EIF5B: variants seen among roughly 807,000 people sequenced by gnomAD.
EIF5B encodes the protein eIF-5B.
A neutral mutation model predicts 147.5 loss-of-function variants in EIF5B; 47 were observed. The observed-to-expected ratio is 0.32, with a 90% CI of 0.25 to 0.41. EIF5B has a LOEUF of 0.41. Ranked by LOEUF, EIF5B falls within the 10% of genes least tolerant of loss-of-function variation. EIF5B has a pLI of 1.00. For missense variants in EIF5B, 1,064 were observed against 1,413.2 expected (o/e 0.75, Z 3.96); for synonymous variants, 455 against 456.2 (o/e 1.00, Z 0.03).
At chr2:99,392,897 C>G in intron 17 of EIF5B, 70 bp from the exon 18 acceptor site, 2 of 1,290,406 alleles carry the variant, frequency 1.5e-6, no homozygotes, top group Non-Finnish European at 2.0e-6. Context: ...TGATGAGATT[C>G]TCTTATATCA....
rs1454480707 is a variant in EIF5B, at chr2:99,390,561, G to A, written c.2604G>A (p.Gly868=). 7 of 1,607,700 alleles carry A rather than the reference G, an allele frequency of 4.4e-6. No individual in the cohort carries two copies. The highest frequency in any genetic ancestry group is 4.3e-6 in the Non-Finnish European group (5 of 1,174,804). The part of the protein sequence containing the change: ...AQVMEVKALP[G]MGTTIDVILI... ...CCTTTTAGGTTAAAGCTCTCCCGGG[G>A]ATGGGCACCACTATAGATGTCATCT... The change falls in exon 17 of 24, where the codon GGG becomes GGA. Residue 868 remains glycine (G), a synonymous_variant. Transcript: ENST00000289371.
At chr2:99,346,680 C>T (rs1196055724) in intron 1 of EIF5B, among the ~76,000 whole-genome samples, 2 of 135,014 alleles carry the variant, frequency 1.5e-5, no homozygotes, top group Non-Finnish European at 3.1e-5. Flanking sequence ...ATGCCATTCT[C>T]CTGCCTCAGC....
intron 1 of EIF5B, among the ~76,000 whole-genome samples, chr2:99,354,796 C>CTT (rs57735386): frequency 7.5e-5 from 6 of 80,028 alleles, no homozygotes; most frequent in African/African-American, 1.1e-4. Context: ...ATTGGTTGTA[C>CTT]TTTTTTTTTT....
At chr2:99,367,804 G>C (rs1000315112) in intron 6 of EIF5B, among the ~76,000 whole-genome samples, 2 of 151,976 alleles carry the variant, frequency 1.3e-5, no homozygotes, top group Non-Finnish European at 2.9e-5. Flanking sequence ...TAGCCACTTT[G>C]GAAAACAACT....
intron 20 of EIF5B, 42 bp downstream of exon 20, chr2:99,394,627 GCTATCTTAAAACTGTC>G: frequency 1.2e-6 from 2 of 1,613,230 alleles, no homozygotes; most frequent in South Asian, 1.1e-5. Context: ...ATGTTACGTA[GCTATCTTAAAACTGTC>G]CTATCTTAAA....
chr2:99,368,591 G>C lies in EIF5B; in HGVS notation c.1387G>C (p.Val463Leu). 1 of 1,604,814 alleles carries C rather than the reference G, an allele frequency of 6.2e-7. No individual in the cohort carries two copies. Among genetic ancestry groups the C allele is most frequent in the Admixed American group, 1.7e-5 (1 of 59,716 alleles). ...KIPQQLESKE[V>L]SESMELCAAV... ...ACCACAGCAGCTAGAAAGTAAAGAA[G>C]GTTTGTATACAAAATAGCCTCTAAT... Residue 463 changes from valine (V) to leucine (L), a missense_variant and splice_region_variant, in exon 7 of 24, where the codon GTG (valine) becomes CTG (leucine). Around this residue, in one of 4 missense-constraint regions of EIF5B, gnomAD observed 195 missense variants for 186.3 expected, o/e 1.05. Coordinates refer to ENST00000289371, the MANE Select transcript of EIF5B (RefSeq NM_015904.4).
intron 10 of EIF5B, among the ~76,000 whole-genome samples, 156 bp from the exon 11 acceptor site, chr2:99,378,863 A>G (rs1419130212): frequency 6.6e-6 from 1 of 152,220 alleles, no homozygotes; most frequent in Admixed American, 6.5e-5. Flanking sequence ...TTCGATTGTA[A>G]AGTTCACATT....
rs1674457552 is a variant in EIF5B at position 99,371,837 on chromosome 2, T to C, written c.1552+107T>C. The C allele has an allele frequency of 2.9e-6, 3 of 1,038,404 alleles. No homozygotes were observed. In the East Asian group the frequency reaches 8.8e-5, roughly 30 times the overall value. 64.3% of individuals were successfully genotyped at this position (1,038,404 alleles called of 1,614,324 possible). Reference sequence around the variant, plus strand: ...ATTATGAAAGCCATATGAACATTTCTGGGGATAGGGATAAGTCTCTTGTTC... The same window carrying C: ...ATTATGAAAGCCATATGAACATTTCCGGGGATAGGGATAAGTCTCTTGTTC... On this transcript the variant is annotated intron_variant, in intron 9 of 23. Transcript: ENST00000289371.
At chr2:99,384,971 G>A (rs1275652167) in intron 14 of EIF5B, among the ~76,000 whole-genome samples, 1 of 152,184 alleles carries the variant, frequency 6.6e-6, no homozygotes, top group East Asian at 1.9e-4. Context: ...GGCAGGGTTT[G>A]AGAGGATTGA....
chr2:99,360,188 T>C (rs1674178893), intron 1 of EIF5B, 48 bp from the exon 2 acceptor site: 1 of 1,549,336 alleles, frequency 6.5e-7, no homozygotes, highest in Admixed American at 2.2e-5. Context: ...AAATGAATGA[T>C]TATTTTGCTT....
chr2:99,355,533 T>G (rs1674076861), intron 1 of EIF5B, among the ~76,000 whole-genome samples: 1 of 151,646 alleles, frequency 6.6e-6, no homozygotes, highest in South Asian at 2.1e-4. Flanking sequence ...TATGTTACTT[T>G]CTTTGGAATA....
rs1035057834 is a variant in EIF5B at position 99,396,655 on chromosome 2, A to G, written c.3255-105A>G. ...GCCCCTCTCCTGTGGCCGCTGGGGA[A>G]AGCTGCTTTCCTCTAATGGGAGAAG... On this transcript the variant is annotated intron_variant, in intron 21 of 23. Transcript: ENST00000289371. 1.1e-5 allele frequency: 15 copies of G among 1,411,636 alleles called. No individual in the cohort carries two copies. In the African/African-American group the frequency reaches 2.0e-4, roughly 19 times the overall value. 87.4% of individuals were successfully genotyped at this position (1,411,636 alleles called of 1,614,324 possible).
intron 4 of EIF5B, 32 bp downstream of exon 4, chr2:99,361,852 G>C (rs994581329): frequency 1.3e-6 from 2 of 1,487,160 alleles, no homozygotes; most frequent in East Asian, 2.4e-5. Context: ...AAGAGCAAAA[G>C]GCTTTTGATT....
chr2:99,355,610 G>GTTTT (rs67037124), intron 1 of EIF5B, among the ~76,000 whole-genome samples: 9 of 98,624 alleles, frequency 9.1e-5, no homozygotes, highest in Non-Finnish European at 1.4e-4. Flanking sequence ...TGTTTTTTGG[G>GTTTT]TTTTTTTTTT....
chr2:99,386,501 G>A (rs995441826), intron 14 of EIF5B, among the ~76,000 whole-genome samples: 2 of 134,314 alleles, frequency 1.5e-5, no homozygotes, highest in African/African-American at 5.5e-5. Context: ...GTGTGTGTGT[G>A]TGTTGGAGAC....
rs992584735 is a variant in EIF5B, at chr2:99,337,455, AG to A, written c.-96del. On this transcript the variant is annotated 5_prime_UTR_variant, in exon 1 of 24. An upstream open reading frame in the 5' UTR loses its in-frame stop. Transcript: ENST00000289371. ...GCCGGGTGCGAGCGGCGGCAGCACGAGGGGAAAAGAGCTGAGCGGAGACCAA... is the reference window on the plus strand; with the variant it reads ...GCCGGGTGCGAGCGGCGGCAGCACGAGGGAAAAGAGCTGAGCGGAGACCAA... 68 of 1,471,220 alleles carry A rather than the reference AG, an allele frequency of 4.6e-5. 1 individual carries two copies. The African/African-American group carries it at 9.2e-4, about 20-fold the overall frequency. 91.1% of individuals were successfully genotyped at this position (1,471,220 alleles called of 1,614,324 possible).
At chr2:99,354,648 A>T (rs900230243) in intron 1 of EIF5B, among the ~76,000 whole-genome samples, 32 of 152,020 alleles carry the variant, frequency 2.1e-4, no homozygotes, top group African/African-American at 7.2e-4. Context: ...TTATTTTTTT[A>T]AGTACATCAT....
chr2:99,373,681 C>T (rs1674501564), intron 9 of EIF5B, among the ~76,000 whole-genome samples: 1 of 152,094 alleles, frequency 6.6e-6, no homozygotes, highest in African/African-American at 2.4e-5. Flanking sequence ...AGTACTTAGC[C>T]TGTTCATTAA....
intron 14 of EIF5B, among the ~76,000 whole-genome samples, chr2:99,386,442 T>G (rs1283575398): frequency 6.6e-6 from 1 of 150,726 alleles, no homozygotes; most frequent in Non-Finnish European, 1.5e-5. Context: ...TGGGACTTGG[T>G]TTTTCATTTT....
Sources: gnomAD v4.1 joint callset for allele counts (sites outside exome capture counted in the v4.1 genomes callset) on GRCh38, gnomAD v4.1.1 for gene constraint, gnomAD v4.1.1 regional missense constraint, MANE v1.5 for transcripts, NCBI Gene and HGNC (gene_info 2026-07-23, HGNC 2026-07-21) for gene names.